CTNNA2: variants seen among roughly 807,000 people sequenced by gnomAD.
CTNNA2 encodes catenin alpha-2.
In CTNNA2, 42 loss-of-function variants were observed where a neutral mutation model predicts 101.0. The observed-to-expected ratio is 0.42, with a 90% CI of 0.32 to 0.54. The LOEUF (loss-of-function observed/expected upper bound fraction) is 0.54. Ranked by LOEUF, CTNNA2 falls within the 20% of genes least tolerant of loss-of-function variation. CTNNA2 has a pLI of 0.14. For missense variants in CTNNA2, 871 were observed against 1,223.1 expected (o/e 0.71, Z 4.29); for synonymous variants, 450 against 456.4 (o/e 0.99, Z 0.18).
At chr2:80,031,176 CA>C (rs937113991) in intron 7 of CTNNA2, among the ~76,000 whole-genome samples, 6 of 150,612 alleles carry the variant, frequency 4.0e-5, no homozygotes, top group Non-Finnish European at 5.9e-5. Context: ...TCATTTCTGC[CA>C]AAAAAAAGTA....
chr2:79,208,728 C>A (rs1674132336), intron 2 of CTNNA2, among the ~76,000 whole-genome samples: 1 of 152,148 alleles, frequency 6.6e-6, no homozygotes, highest in African/African-American at 2.4e-5. Flanking sequence ...CTTCATTTAT[C>A]CTTCTCAGTA....
chr2:79,855,912 T>C (rs750254521), intron 3 of CTNNA2, among the ~76,000 whole-genome samples: 3 of 152,224 alleles, frequency 2.0e-5, no homozygotes, highest in African/African-American at 7.2e-5. Flanking sequence ...CTGTATAAAG[T>C]AGGGAAAAGG....
At chr2:80,153,329 G>C (rs1475964807) in intron 7 of CTNNA2, among the ~76,000 whole-genome samples, 1 of 152,116 alleles carries the variant, frequency 6.6e-6, no homozygotes, top group Non-Finnish European at 1.5e-5. Flanking sequence ...CCTTGCCTGA[G>C]TGCCATTACT....
intron 1 of CTNNA2, among the ~76,000 whole-genome samples, chr2:79,620,312 C>T (rs965284640): frequency 1.3e-5 from 2 of 152,146 alleles, no homozygotes; most frequent in Non-Finnish European, 2.9e-5. Flanking sequence ...ACACTGGGCT[C>T]ATTGCTGCTT....
rs142965174 is a variant in CTNNA2, at chr2:80,457,937, A to G, written c.1290+38336A>G. Among the ~76,000 whole-genome samples the G allele has an allele frequency of 7.0e-4, 106 of 152,266 alleles. 1 individual carries two copies. In the East Asian group the frequency reaches 0.019, roughly 28 times the overall value. On this transcript the variant is annotated intron_variant, in intron 9 of 18. Transcript: ENST00000402739. ...TTCACTTTTGAACATGTGAAAAATG[A>G]CTTCCTTGAAATTTTAGTTCATCGA...
At chr2:80,459,209 T>G (rs954036345) in intron 9 of CTNNA2, among the ~76,000 whole-genome samples, 2 of 152,154 alleles carry the variant, frequency 1.3e-5, no homozygotes, top group Non-Finnish European at 2.9e-5. Context: ...GATGCATTTC[T>G]TAGAAGGTAT....
At chr2:80,105,878 A>C (rs1454803090) in intron 7 of CTNNA2, among the ~76,000 whole-genome samples, 2 of 152,162 alleles carry the variant, frequency 1.3e-5, no homozygotes, top group East Asian at 3.9e-4. Context: ...ATCTGCCTGC[A>C]GCACAGTGCA....
chr2:79,739,619 G>T (rs1254743683), intron 2 of CTNNA2, among the ~76,000 whole-genome samples: 1 of 152,188 alleles, frequency 6.6e-6, no homozygotes, highest in Non-Finnish European at 1.5e-5. Flanking sequence ...TTGTGTAGTG[G>T]TGAAGTCCAG....
chr2:80,603,332 C>G lies in CTNNA2; in HGVS notation c.2190-742C>G, dbSNP rs763737370. Among the ~76,000 whole-genome samples the G allele has an allele frequency of 2.2e-4, 33 of 152,070 alleles. 1 individual carries two copies. Among genetic ancestry groups the G allele is most frequent in the Middle Eastern group, 3.4e-3 (1 of 292 alleles). On this transcript the variant is annotated intron_variant, in intron 15 of 18. Coordinates refer to ENST00000402739, the MANE Select transcript of CTNNA2 (RefSeq NM_001282597.3). ...AGACATATAATATTAAACACTTCAC[C>G]TAATTGCAAACCTTATATGAAAATA...
At chr2:79,698,935 T>C (rs1461879383) in intron 2 of CTNNA2, among the ~76,000 whole-genome samples, 2 of 152,084 alleles carry the variant, frequency 1.3e-5, no homozygotes, top group Non-Finnish European at 2.9e-5. Context: ...TTTGCTGAAG[T>C]TTATCAAAAG....
At chr2:80,061,085 C>A (rs752676698) in intron 7 of CTNNA2, among the ~76,000 whole-genome samples, 2 of 152,072 alleles carry the variant, frequency 1.3e-5, no homozygotes, top group Admixed American at 6.6e-5. Flanking sequence ...GCAATCAAAG[C>A]GTCCTCCCCA....
intron 7 of CTNNA2, among the ~76,000 whole-genome samples, chr2:79,957,860 CATACTT>C (rs1689351261): frequency 1.3e-5 from 2 of 152,182 alleles, no homozygotes; most frequent in Non-Finnish European, 2.9e-5. Flanking sequence ...ATTGAGCTCT[CATACTT>C]ATTATCTTAA....
chr2:79,207,652 G>T (rs1266633959), intron 2 of CTNNA2, among the ~76,000 whole-genome samples: 3 of 152,190 alleles, frequency 2.0e-5, no homozygotes, highest in Non-Finnish European at 4.4e-5. Flanking sequence ...ACAAGTGGTG[G>T]TTCGGGGCTT....
chr2:80,112,604 A>C (rs2148863580), intron 7 of CTNNA2, among the ~76,000 whole-genome samples: 1 of 152,320 alleles, frequency 6.6e-6, no homozygotes, highest in South Asian at 2.1e-4. Context: ...GATAAACTTT[A>C]AATTCCTGCT....
At chr2:79,309,485 C>T (rs1042889222) in intron 2 of CTNNA2, among the ~76,000 whole-genome samples, 6 of 152,034 alleles carry the variant, frequency 3.9e-5, no homozygotes, top group Non-Finnish European at 7.4e-5. Flanking sequence ...CTGAAGAATG[C>T]AGAAACAAAG....
At chr2:79,552,436 C>T (rs1483560540) in intron 1 of CTNNA2, among the ~76,000 whole-genome samples, 1 of 152,130 alleles carries the variant, frequency 6.6e-6, no homozygotes, top group African/African-American at 2.4e-5. Flanking sequence ...GTCAGTAAAT[C>T]TACAATTCTG....
intron 1 of CTNNA2, among the ~76,000 whole-genome samples, chr2:79,530,387 C>T (rs568585861): frequency 1.3e-5 from 2 of 152,206 alleles, no homozygotes; most frequent in East Asian, 1.9e-4. Flanking sequence ...AATAGTTTAT[C>T]GATAAAAAGG....
chr2:79,374,889 G>A (rs906959861), intron 4 of CTNNA2, among the ~76,000 whole-genome samples: 8 of 152,140 alleles, frequency 5.3e-5, no homozygotes, highest in East Asian at 1.9e-4. Context: ...TATGACAGTT[G>A]TGAAGTCAGG....
chr2:80,355,473 C>G (rs1448473935), intron 7 of CTNNA2, among the ~76,000 whole-genome samples: 1 of 152,172 alleles, frequency 6.6e-6, no homozygotes, highest in Non-Finnish European at 1.5e-5. Flanking sequence ...GGGATGCCAA[C>G]TCGACTCCCT....
Sources: gnomAD v4.1 joint callset for allele counts (sites outside exome capture counted in the v4.1 genomes callset) on GRCh38, gnomAD v4.1.1 for gene constraint, MANE v1.5 for transcripts, NCBI Gene and HGNC (gene_info 2026-07-23, HGNC 2026-07-21) for gene names.